CDH12: variants seen among roughly 807,000 people sequenced by gnomAD.
CDH12 encodes cadherin-12.
In CDH12, 41 loss-of-function variants were observed where a neutral mutation model predicts 74.1. That is an observed-to-expected ratio of 0.55 (90% confidence interval 0.43 to 0.72). CDH12 has a LOEUF of 0.72. CDH12 is among the 30% of genes least tolerant of loss of function. The pLI is 0.00. For synonymous variants in CDH12, 399 were observed against 355.0 expected, an observed-to-expected ratio of 1.12 and a Z score of -1.39; for missense variants, 945 against 977.2, an observed-to-expected ratio of 0.97 and a Z score of 0.44.
chr5:21,986,888 G>A (rs1483735232), intron 5 of CDH12, among the ~76,000 whole-genome samples: 1 of 151,656 alleles, frequency 6.6e-6, no homozygotes, highest in Non-Finnish European at 1.5e-5. Context: ...ATTTAATTTT[G>A]ACTAACCACT....
chr5:22,402,315 A>G (rs1329630688), intron 3 of CDH12, among the ~76,000 whole-genome samples: 1 of 152,218 alleles, frequency 6.6e-6, no homozygotes, highest in African/African-American at 2.4e-5. Context: ...TAAAGAACAC[A>G]TACTTTTTTG....
intron 4 of CDH12, among the ~76,000 whole-genome samples, chr5:22,147,793 C>G (rs908675628): frequency 5.3e-5 from 8 of 152,024 alleles, no homozygotes; most frequent in Non-Finnish European, 1.0e-4. Context: ...GGAAAACTGT[C>G]CCCCCATAAT....
At chr5:22,824,919 G>A (rs1424337069) in intron 1 of CDH12, among the ~76,000 whole-genome samples, 1 of 151,406 alleles carries the variant, frequency 6.6e-6, no homozygotes, top group Non-Finnish European at 1.5e-5. Flanking sequence ...TCTATAGAAA[G>A]TTAAAGGATA....
At chr5:22,773,666 C>T (rs1037242866) in intron 1 of CDH12, among the ~76,000 whole-genome samples, 8 of 152,014 alleles carry the variant, frequency 5.3e-5, no homozygotes, top group African/African-American at 1.9e-4. Context: ...AACTAAAGAG[C>T]TTCTGCACAG....
At chr5:22,700,568 C>T (rs1292455139) in intron 1 of CDH12, among the ~76,000 whole-genome samples, 1 of 152,192 alleles carries the variant, frequency 6.6e-6, no homozygotes, top group African/African-American at 2.4e-5. Flanking sequence ...TTCTTATCGC[C>T]TAAGCAGAAA....
chr5:22,380,691 A>G (rs1741724068), intron 3 of CDH12, among the ~76,000 whole-genome samples: 1 of 152,168 alleles, frequency 6.6e-6, no homozygotes, highest in Non-Finnish European at 1.5e-5. Flanking sequence ...ATGTAGCTGC[A>G]TCATGTTAAA....
At chr5:22,162,290 TTTGTCTGACTC>T (rs1748397739) in intron 4 of CDH12, among the ~76,000 whole-genome samples, 6 of 152,136 alleles carry the variant, frequency 3.9e-5, no homozygotes, top group Admixed American at 3.9e-4. Context: ...TTTCTCTCTC[TTTGTCTGACTC>T]TTCATTTCTG....
intron 3 of CDH12, among the ~76,000 whole-genome samples, chr5:22,395,706 G>T (rs1244602893): frequency 2.6e-5 from 4 of 152,076 alleles, no homozygotes; most frequent in Non-Finnish European, 4.4e-5. Flanking sequence ...TAGTGGAAAT[G>T]CCAGTCCTGG....
intron 1 of CDH12, among the ~76,000 whole-genome samples, chr5:22,624,911 A>T (rs894644672): frequency 1.4e-4 from 21 of 152,238 alleles, no homozygotes; most frequent in Non-Finnish European, 2.9e-4. Context: ...GAACCAACCC[A>T]AATGTCCATC....
chr5:22,275,985 C>T (rs770389141), intron 3 of CDH12, among the ~76,000 whole-genome samples: 3 of 150,910 alleles, frequency 2.0e-5, no homozygotes, highest in Non-Finnish European at 4.4e-5. Flanking sequence ...GTTTTTTTTT[C>T]AGATCTTTAC....
chr5:22,762,242 A>T (rs1054697908), intron 1 of CDH12, among the ~76,000 whole-genome samples: 1 of 152,060 alleles, frequency 6.6e-6, no homozygotes, highest in Non-Finnish European at 1.5e-5. Flanking sequence ...AAAATCAATA[A>T]TTTTTAAATG....
At chr5:22,281,943 C>T (rs1736905342) in intron 3 of CDH12, among the ~76,000 whole-genome samples, 1 of 152,130 alleles carries the variant, frequency 6.6e-6, no homozygotes, top group African/African-American at 2.4e-5. Context: ...AAGAACAAAG[C>T]TGGAGGCATC....
chr5:21,783,299 A>G, intron 11 of CDH12, 59 bp downstream of exon 11: 2 of 1,475,900 alleles, frequency 1.4e-6, no homozygotes, highest in South Asian at 2.4e-5. Flanking sequence ...GGACTCATTT[A>G]AGAGTCTTAA....
intron 5 of CDH12, among the ~76,000 whole-genome samples, chr5:22,023,685 T>C (rs1225712204): frequency 6.6e-6 from 1 of 152,080 alleles, no homozygotes; most frequent in Admixed American, 6.6e-5. Context: ...GCAAATTTAC[T>C]GTAAAGATAA....
Position 22,056,293 on chromosome 5 carries a change from ATTG to A in CDH12, c.231+22150_231+22152del, listed in dbSNP as rs1176925260. ...GGTTTTGACCTGAATTCCCTAATAT[ATTG>A]TTAACTCTGAATAAATGTTTTCCAT... On this transcript the variant is annotated intron_variant, in intron 5 of 14. Coordinates refer to ENST00000382254, the MANE Select transcript of CDH12 (RefSeq NM_004061.5). Among the ~76,000 whole-genome samples, 4 of 152,292 alleles carry A rather than the reference ATTG, an allele frequency of 2.6e-5. No individual in the cohort carries two copies. In the East Asian group the frequency reaches 5.8e-4, roughly 22 times the overall value.
chr5:22,209,541 G>A (rs1382563363), intron 4 of CDH12, among the ~76,000 whole-genome samples: 1 of 151,728 alleles, frequency 6.6e-6, no homozygotes, highest in African/African-American at 2.4e-5. Flanking sequence ...CTGAGAGTGT[G>A]TCAACCTCTC....
At chr5:22,565,993 G>T (rs897979294) in intron 1 of CDH12, among the ~76,000 whole-genome samples, 1 of 151,962 alleles carries the variant, frequency 6.6e-6, no homozygotes, top group Admixed American at 6.6e-5. Flanking sequence ...CTAAATTTCC[G>T]CCACTTTAAA....
intron 1 of CDH12, among the ~76,000 whole-genome samples, chr5:22,643,267 C>T (rs1739245424): frequency 6.6e-6 from 1 of 152,128 alleles, no homozygotes; most frequent in Non-Finnish European, 1.5e-5. Context: ...GGGTAGTCAG[C>T]TGGTTTCACA....
chr5:22,355,614 A>G (rs1467447986), intron 3 of CDH12, among the ~76,000 whole-genome samples: 1 of 151,986 alleles, frequency 6.6e-6, no homozygotes, highest in African/African-American at 2.4e-5. Flanking sequence ...TTTCCTATGT[A>G]AAAGCACAGT....
Sources: allele counts gnomAD v4.1 joint callset (sites outside exome capture counted in the v4.1 genomes callset), GRCh38; gene constraint gnomAD v4.1.1; transcripts MANE v1.5; gene names NCBI Gene and HGNC (gene_info 2026-07-23, HGNC 2026-07-21).